Variants in PRKD3 observed in about 807,000 individuals in gnomAD.
PRKD3 encodes the protein serine/threonine-protein kinase D3.
Under a neutral mutation model 99.2 loss-of-function variants are expected in PRKD3, and 47 were observed. The observed-to-expected ratio is 0.47, with a 90% CI of 0.38 to 0.60. The LOEUF is 0.60. Among genes scored for constraint, PRKD3 ranks in the 20% least tolerant of loss-of-function variants. The pLI, the probability that PRKD3 is intolerant of heterozygous loss-of-function variation, is 0.00. For missense variants in PRKD3, 1,019 were observed against 1,088.4 expected, an observed-to-expected ratio of 0.94 and a Z score of 0.90; for synonymous variants, 392 against 355.4, an observed-to-expected ratio of 1.10 and a Z score of -1.16.
At chr2:37,306,670 G>T (rs1245838025) in intron 2 of PRKD3, among the ~76,000 whole-genome samples, 1 of 152,108 alleles carries the variant, frequency 6.6e-6, no homozygotes, top group Non-Finnish European at 1.5e-5. Flanking sequence ...TTAGCCGAGC[G>T]TGGTGGCCGG....
intron 3 of PRKD3, among the ~76,000 whole-genome samples, chr2:37,292,160 T>C (rs1195973769): frequency 6.6e-6 from 1 of 152,142 alleles, no homozygotes; most frequent in Non-Finnish European, 1.5e-5. Flanking sequence ...GATTCTCTTT[T>C]CTAAACCCCA....
At chr2:37,265,166 G>A (rs1268511781) in intron 14 of PRKD3, among the ~76,000 whole-genome samples, 1 of 152,058 alleles carries the variant, frequency 6.6e-6, no homozygotes, top group Non-Finnish European at 1.5e-5. Context: ...GAGGACTACA[G>A]GTAAGAATGA....
At position 37,316,622 on chromosome 2, in the gene PRKD3, T is replaced by A; in HGVS notation, c.-98A>T. On this transcript the variant is annotated 5_prime_UTR_variant, in exon 2 of 19. Transcript: ENST00000234179. ...AGCAGTAAAGAAAATGACCGCACTT[T>A]TGGATTTAGTTGAAAACTTCTTTAT... is the stretch of plus-strand genomic sequence containing the variant. 5 of 1,497,978 alleles carry A rather than the reference T, an allele frequency of 3.3e-6. No individual in the cohort carries two copies. Among genetic ancestry groups the A allele is most frequent in the Non-Finnish European group, 4.4e-6 (5 of 1,130,606 alleles). The allele number at this position is 1,497,978 out of a possible 1,614,324, so 92.8% of individuals were successfully genotyped here.
At chr2:37,291,854 C>T (rs1670444819) in intron 3 of PRKD3, among the ~76,000 whole-genome samples, 1 of 152,136 alleles carries the variant, frequency 6.6e-6, no homozygotes, top group Non-Finnish European at 1.5e-5. Context: ...TTCCTTTCTT[C>T]CATCAGTTCT....
intron 6 of PRKD3, among the ~76,000 whole-genome samples, chr2:37,283,621 C>G (rs1669955292): frequency 6.6e-6 from 1 of 152,182 alleles, no homozygotes; most frequent in African/African-American, 2.4e-5. Context: ...TGCACTACCT[C>G]TTAAACAATA....
At position 37,256,781 on chromosome 2, in the gene PRKD3, A is replaced by G. The variant is rs1381063960; in HGVS notation, c.2294T>C (p.Ile765Thr). 2 of 1,613,834 alleles carry G rather than the reference A, an allele frequency of 1.2e-6. No individual in the cohort carries two copies. The highest frequency in any genetic ancestry group is 1.7e-5 in the Admixed American group (1 of 59,964). The change falls in exon 17 of 19, where the codon ATC becomes ACC. Residue 765 changes from isoleucine to threonine, a missense_variant. Transcript: ENST00000234179. ...TGTGCCACTGAGGCTCACATAGATG[A>G]TAACTCCCACTGACCACATATCTAG... is the stretch of plus-strand genomic sequence containing the variant. ...RSLDMWSVGVIIYVSLSGTFP... is the reference protein window; with the variant it reads ...RSLDMWSVGVTIYVSLSGTFP...
At chr2:37,323,892 T>C (rs1671989432) in intron 1 of PRKD3, among the ~76,000 whole-genome samples, 1 of 152,184 alleles carries the variant, frequency 6.6e-6, no homozygotes, top group East Asian at 1.9e-4. Flanking sequence ...GTCCATGCCA[T>C]CAATCTGTGT....
chr2:37,309,685 T>C (rs1671331080), intron 2 of PRKD3, among the ~76,000 whole-genome samples: 3 of 151,948 alleles, frequency 2.0e-5, no homozygotes, highest in Non-Finnish European at 4.4e-5. Context: ...CTGTCTCTAC[T>C]AAAACTACAA....
chr2:37,320,420 C>T (rs1343633798), intron 1 of PRKD3, among the ~76,000 whole-genome samples: 3 of 132,902 alleles, frequency 2.3e-5, no homozygotes, highest in African/African-American at 5.5e-5. Flanking sequence ...TGCAAGTTAA[C>T]GACTTTTTTT....
intron 4 of PRKD3, 80 bp downstream of exon 4, chr2:37,290,788 A>G: frequency 7.0e-7 from 1 of 1,430,900 alleles, no homozygotes; most frequent in East Asian, 2.3e-5. Flanking sequence ...ACAGCTCGTC[A>G]TCTTGCTTTT....
intron 13 of PRKD3, chr2:37,268,570 G>A: frequency 4.0e-6 from 1 of 252,782 alleles, no homozygotes; most frequent in Non-Finnish European, 7.9e-6. Flanking sequence ...GAAGTATGTT[G>A]GGTAGCAGGA....
chr2:37,259,750 A>C (rs1315531323), intron 15 of PRKD3, 69 bp from the exon 16 acceptor site: 10 of 1,099,724 alleles, frequency 9.1e-6, no homozygotes, highest in Non-Finnish European at 1.4e-5. Context: ...GACTCCTTGA[A>C]TGATTTAATT....
chr2:37,276,900 G>A (rs1424427962), intron 9 of PRKD3, among the ~76,000 whole-genome samples: 1 of 151,260 alleles, frequency 6.6e-6, no homozygotes, highest in African/African-American at 2.4e-5. Context: ...ACCATTTACT[G>A]AATTAACTAC....
rs888764821 is a variant in PRKD3, at chr2:37,252,672, G to A, written c.*505C>T. ...TGCCTCTATGGTTTGTTAAACCAAT[G>A]TTAAAAGTCCTTATAGTAACATCAC... is the stretch of plus-strand genomic sequence containing the variant. On this transcript the variant is annotated 3_prime_UTR_variant, in exon 19 of 19. Coordinates refer to ENST00000234179, the MANE Select transcript of PRKD3 (RefSeq NM_005813.6). The A allele has an allele frequency of 6.6e-6, 1 of 151,958 alleles. No individual in the cohort carries two copies. The highest frequency in any genetic ancestry group is 2.4e-5 in the African/African-American group (1 of 41,378). The allele number at this position is 151,958 out of a possible 1,614,324, so 9.4% of individuals were successfully genotyped here. A position where few individuals can be genotyped will look rare whatever the true frequency, so the allele number is the denominator to read the frequency against.
chr2:37,253,098 C>CA lies in PRKD3; in HGVS notation c.*78dup. On this transcript the variant is annotated 3_prime_UTR_variant, in exon 19 of 19. Coordinates refer to ENST00000234179, the MANE Select transcript of PRKD3 (RefSeq NM_005813.6). ...CATATCTTTGCAGCACTGCAGATGA[C>CA]AATCTACAAAGAACAAGTTACACAG... The CA allele has an allele frequency of 7.2e-7, 1 of 1,386,384 alleles. No individual in the cohort carries two copies. Among genetic ancestry groups the CA allele is most frequent in the African/African-American group, 1.4e-5 (1 of 69,432 alleles). 85.9% of individuals were successfully genotyped at this position (1,386,384 alleles called of 1,614,324 possible).
chr2:37,310,936 C>T (rs1488125869), intron 2 of PRKD3, among the ~76,000 whole-genome samples: 3 of 152,196 alleles, frequency 2.0e-5, no homozygotes, highest in Non-Finnish European at 4.4e-5. Flanking sequence ...CAGTTAACTG[C>T]TGCAGAGTGA....
intron 9 of PRKD3, among the ~76,000 whole-genome samples, chr2:37,277,484 T>C (rs545796716): frequency 1.8e-4 from 28 of 152,290 alleles, no homozygotes; most frequent in African/African-American, 6.7e-4. Context: ...ACATTTACAC[T>C]AAGTTAAAGT....
intron 5 of PRKD3, 143 bp downstream of exon 5, chr2:37,289,213 C>T (rs539563439): frequency 1.0e-6 from 1 of 1,004,748 alleles, no homozygotes; most frequent in African/African-American, 1.6e-5. Flanking sequence ...AGTCCTGTCT[C>T]CATTACTACA....
In PRKD3 at chr2:37,253,050, A is replaced by T; in HGVS notation, c.*127T>A. The T allele has an allele frequency of 2.1e-6, 2 of 969,110 alleles. No individual in the cohort carries two copies. Among genetic ancestry groups the T allele is most frequent in the Non-Finnish European group, 1.5e-6 (1 of 670,320 alleles). 60.0% of individuals were successfully genotyped at this position (969,110 alleles called of 1,614,324 possible). A position where few individuals can be genotyped will look rare whatever the true frequency, so the allele number is the denominator to read the frequency against. On this transcript the variant is annotated 3_prime_UTR_variant, in exon 19 of 19. Coordinates refer to ENST00000234179, the MANE Select transcript of PRKD3 (RefSeq NM_005813.6). The stretch of plus-strand genomic sequence containing the variant: ...CATTATGAACTACAGTACTGGTGTC[A>T]CTTATTCGTTATCATATTTCTTCAT...
Sources: gnomAD v4.1 joint callset for allele counts (sites outside exome capture counted in the v4.1 genomes callset) on GRCh38, gnomAD v4.1.1 for gene constraint, MANE v1.5 for transcripts, NCBI Gene and HGNC (gene_info 2026-07-23, HGNC 2026-07-21) for gene names.